The following MS4A4A variants were observed in gnomAD, a reference collection of about 807,000 sequenced individuals.
MS4A4A encodes the protein membrane spanning 4-domains A4A.
A neutral mutation model predicts 28.0 loss-of-function variants in MS4A4A; 26 were observed. The observed-to-expected ratio is 0.93, with a 90% CI of 0.68 to 1.29. MS4A4A has a LOEUF of 1.29. Among genes scored for constraint, MS4A4A ranks in the 50% most tolerant of loss-of-function variants. MS4A4A has a pLI of 0.00. For missense variants in MS4A4A, 290 were observed against 293.1 expected (o/e 0.99, Z 0.08); for synonymous variants, 86 against 100.8 (o/e 0.85, Z 0.88).
intron 1 of MS4A4A, among the ~76,000 whole-genome samples, chr11:60,289,617 G>A (rs2084835706): frequency 6.7e-6 from 1 of 149,470 alleles, no homozygotes; most frequent in Admixed American, 6.7e-5. Context: ...GTGTGTGTGT[G>A]TGTGTGTTGA....
intron 3 of MS4A4A, among the ~76,000 whole-genome samples, chr11:60,300,089 G>GT (rs2084938715): frequency 6.6e-6 from 1 of 151,972 alleles, no homozygotes. Context: ...TTTTTTATTA[G>GT]TTCTGTATTT....
At chr11:60,288,609 A>G (rs1443284371) in intron 1 of MS4A4A, among the ~76,000 whole-genome samples, 6 of 152,252 alleles carry the variant, frequency 3.9e-5, no homozygotes, top group Admixed American at 6.5e-5. Context: ...CCACTAGGAC[A>G]CTGCAGCAAC....
At chr11:60,306,546 G>A (rs1014010950) in intron 6 of MS4A4A, among the ~76,000 whole-genome samples, 2 of 152,146 alleles carry the variant, frequency 1.3e-5, no homozygotes, top group East Asian at 1.9e-4. Flanking sequence ...TCACATGAAC[G>A]GATGAGGTCC....
intron 3 of MS4A4A, among the ~76,000 whole-genome samples, chr11:60,300,631 A>AAG (rs1590760036): frequency 7.0e-6 from 1 of 142,880 alleles, no homozygotes; most frequent in Non-Finnish European, 1.5e-5. Context: ...AAAAAAAAAA[A>AAG]AAAAAAAAAA....
chr11:60,287,232 TA>T (rs1222649934), intron 1 of MS4A4A, among the ~76,000 whole-genome samples: 2 of 152,240 alleles, frequency 1.3e-5, no homozygotes, highest in African/African-American at 4.8e-5. Context: ...TAATTTATTA[TA>T]AAATTGTATT....
intron 6 of MS4A4A, 122 bp downstream of exon 6, chr11:60,306,323 G>C: frequency 1.2e-6 from 1 of 825,952 alleles, no homozygotes; most frequent in Non-Finnish European, 2.0e-6. Flanking sequence ...CATGGTTCAA[G>C]AGTCTGAGCC....
rs80282140 is a variant in MS4A4A, at chr11:60,281,705, G to C, written c.41+989G>C. ...AGGAGGATGGTGACATAAAAATGAG[G>C]AAATAAGAGACTGGTGGTGCTGCTG... is the stretch of plus-strand genomic sequence containing the variant. On this transcript the variant is annotated intron_variant, in intron 1 of 6. Coordinates refer to ENST00000337908, the MANE Select transcript of MS4A4A (RefSeq NM_148975.3). Among the ~76,000 whole-genome samples the C allele has an allele frequency of 6.2e-3, 939 of 152,244 alleles. 8 individuals are homozygous for C. The highest frequency in any genetic ancestry group is 0.021 in the African/African-American group (872 of 41,530).
At chr11:60,300,790 G>A (rs1251345058) in intron 3 of MS4A4A, among the ~76,000 whole-genome samples, 1 of 151,950 alleles carries the variant, frequency 6.6e-6, no homozygotes, top group African/African-American at 2.4e-5. Context: ...TTAGATATTT[G>A]AAAAACTTGA....
chr11:60,296,588 T>A (rs1429671217), intron 2 of MS4A4A, among the ~76,000 whole-genome samples: 3 of 152,120 alleles, frequency 2.0e-5, no homozygotes, highest in African/African-American at 7.2e-5. Context: ...CATGATTTTC[T>A]AATATATTCA....
chr11:60,287,104 A>T (rs1033276075), intron 1 of MS4A4A, among the ~76,000 whole-genome samples: 1 of 152,236 alleles, frequency 6.6e-6, no homozygotes, highest in Non-Finnish European at 1.5e-5. Context: ...TGACTATTTT[A>T]AGGTGACAAT....
intron 1 of MS4A4A, among the ~76,000 whole-genome samples, chr11:60,283,211 C>T (rs868785984): frequency 1.3e-5 from 2 of 152,094 alleles, no homozygotes; most frequent in Admixed American, 6.6e-5. Flanking sequence ...GGATTACAGG[C>T]GCCCACCACC....
intron 1 of MS4A4A, among the ~76,000 whole-genome samples, chr11:60,289,786 T>C (rs996078955): frequency 2.6e-5 from 4 of 152,176 alleles, no homozygotes; most frequent in Admixed American, 6.5e-5. Context: ...TCTTGGTGAT[T>C]TCTTCAAATT....
chr11:60,297,576 C>T (rs1565146857), intron 3 of MS4A4A, among the ~76,000 whole-genome samples: 1 of 152,094 alleles, frequency 6.6e-6, no homozygotes, highest in Non-Finnish European at 1.5e-5. Context: ...AAGACCCAAA[C>T]CAGAATGGCT....
rs79890730 is a variant in MS4A4A at position 60,306,296 on chromosome 11, C to T, written c.648+95C>T. 1.3e-3 allele frequency: 1,308 copies of T among 980,302 alleles called. 38 individuals carry two copies. The East Asian group carries it at 0.026, about 20-fold the overall frequency. 60.7% of individuals were successfully genotyped at this position (980,302 alleles called of 1,614,324 possible). On this transcript the variant is annotated intron_variant, in intron 6 of 6. Transcript: ENST00000337908. ...TTAGAGTCTTAACACAGAACACATT[C>T]ATTATCTCTCAGTTTCCATGGTTCA...
At chr11:60,282,296 G>A (rs1394920352) in intron 1 of MS4A4A, among the ~76,000 whole-genome samples, 1 of 152,196 alleles carries the variant, frequency 6.6e-6, no homozygotes, top group Non-Finnish European at 1.5e-5. Flanking sequence ...CAGTCTGAAG[G>A]TGTGCCTGAG....
chr11:60,285,848 T>G (rs2084799161), intron 1 of MS4A4A, among the ~76,000 whole-genome samples: 1 of 152,248 alleles, frequency 6.6e-6, no homozygotes, highest in African/African-American at 2.4e-5. Flanking sequence ...TGTGCACACA[T>G]TGTCATTGAT....
At chr11:60,292,199 A>G in intron 1 of MS4A4A, 26 bp from the exon 2 acceptor site, 1 of 1,518,478 alleles carries the variant, frequency 6.6e-7, no homozygotes, top group South Asian at 1.3e-5. Context: ...CCAGGACATC[A>G]TACTAAATTA....
At chr11:60,296,850 T>C in intron 2 of MS4A4A, 1 of 282,950 alleles carries the variant, frequency 3.5e-6, no homozygotes, top group Non-Finnish European at 6.8e-6. Flanking sequence ...CTTGCTACAA[T>C]AATTGCTTTA....
intron 3 of MS4A4A, 121 bp downstream of exon 3, chr11:60,297,446 C>A: frequency 9.3e-7 from 1 of 1,081,030 alleles, no homozygotes; most frequent in Non-Finnish European, 1.3e-6. Flanking sequence ...TGGTATCTAA[C>A]CATTTCTTAC....
Sources: gnomAD v4.1 joint callset for allele counts (sites outside exome capture counted in the v4.1 genomes callset) on GRCh38, gnomAD v4.1.1 for gene constraint, MANE v1.5 for transcripts, NCBI Gene and HGNC (gene_info 2026-07-23, HGNC 2026-07-21) for gene names.